Variants in MIPOL1 observed in about 807,000 individuals in gnomAD.
The protein encoded by MIPOL1 is mirror-image polydactyly gene 1 protein.
In MIPOL1, 57 loss-of-function variants were observed where a neutral mutation model predicts 60.9. The observed-to-expected ratio is 0.94, with a 90% CI of 0.76 to 1.17. The LOEUF (loss-of-function observed/expected upper bound fraction) is 1.17, where lower values mean the gene tolerates loss of function less well. MIPOL1 is among the 50% of genes most tolerant of loss of function. The pLI, the probability that MIPOL1 is intolerant of heterozygous loss-of-function variation, is 0.00. For synonymous variants in MIPOL1, 179 were observed against 168.8 expected, an observed-to-expected ratio of 1.06 and a Z score of -0.47; for missense variants, 551 against 511.6, an observed-to-expected ratio of 1.08 and a Z score of -0.74.
intron 10 of MIPOL1, among the ~76,000 whole-genome samples, chr14:37,405,328 T>G (rs2093566418): frequency 6.6e-6 from 1 of 152,160 alleles, no homozygotes; most frequent in Non-Finnish European, 1.5e-5. Context: ...AATTTTTGTT[T>G]AAATTACTGC....
intron 6 of MIPOL1, among the ~76,000 whole-genome samples, chr14:37,283,277 A>G (rs904680181): frequency 2.0e-5 from 3 of 151,982 alleles, no homozygotes; most frequent in African/African-American, 4.8e-5. Context: ...ATGTTGGCCA[A>G]GCTGGTCTCA....
At chr14:37,406,008 G>A (rs889874576) in intron 10 of MIPOL1, among the ~76,000 whole-genome samples, 6 of 150,604 alleles carry the variant, frequency 4.0e-5, no homozygotes, top group Non-Finnish European at 7.4e-5. Context: ...AATGAAAAAT[G>A]TGTTTGTATT....
At chr14:37,272,889 T>G (rs2083398177) in intron 6 of MIPOL1, among the ~76,000 whole-genome samples, 1 of 151,390 alleles carries the variant, frequency 6.6e-6, no homozygotes, top group Non-Finnish European at 1.5e-5. Context: ...GAACTAAACA[T>G]TGGAAACAGC....
chr14:37,470,829 A>G (rs1011243104), intron 11 of MIPOL1, among the ~76,000 whole-genome samples: 1 of 152,174 alleles, frequency 6.6e-6, no homozygotes, highest in African/African-American at 2.4e-5. Context: ...GTGTATTGTC[A>G]TGGAAATCAG....
At chr14:37,293,290 C>T (rs1041464189) in intron 7 of MIPOL1, among the ~76,000 whole-genome samples, 3 of 152,124 alleles carry the variant, frequency 2.0e-5, no homozygotes, top group African/African-American at 7.2e-5. Flanking sequence ...ATCATCTTTG[C>T]ACCCTGCACC....
At chr14:37,445,370 A>T (rs1157911616) in intron 11 of MIPOL1, among the ~76,000 whole-genome samples, 3 of 152,162 alleles carry the variant, frequency 2.0e-5, no homozygotes, top group African/African-American at 7.2e-5. Flanking sequence ...TACAAGGGAC[A>T]TGAAGGACCT....
At chr14:37,431,220 T>C (rs907817909) in intron 11 of MIPOL1, among the ~76,000 whole-genome samples, 8 of 152,176 alleles carry the variant, frequency 5.3e-5, no homozygotes, top group Non-Finnish European at 8.8e-5. Context: ...ATCACTATTA[T>C]TATAGGTCCA....
intron 10 of MIPOL1, among the ~76,000 whole-genome samples, chr14:37,397,884 C>G (rs2093406607): frequency 6.6e-6 from 1 of 152,158 alleles, no homozygotes; most frequent in Non-Finnish European, 1.5e-5. Flanking sequence ...AAGAACTTAC[C>G]CCAGGCTACC....
chr14:37,215,929 A>G (rs765196941), intron 1 of MIPOL1, among the ~76,000 whole-genome samples: 1 of 152,094 alleles, frequency 6.6e-6, no homozygotes, highest in Non-Finnish European at 1.5e-5. Flanking sequence ...TTAGCCAGGC[A>G]TGGTGGCAGG....
Position 37,308,501 on chromosome 14 carries a change from G to C in MIPOL1, c.810G>C (p.Arg270=). 6.3e-7 allele frequency: 1 copy of C among 1,584,090 alleles called. No individual in the cohort carries two copies. Among genetic ancestry groups the C allele is most frequent in the Non-Finnish European group, 8.6e-7 (1 of 1,168,534 alleles). The change falls in exon 9 of 13, where the codon CGG becomes CGC. Residue 270 remains arginine (R), a synonymous_variant. Transcript: ENST00000684589. ...AAATGAGTGCACTAATAGAAGAACG[G>C]GATGCTGCCTTGTCTAAGGTAACTC... ...AEEMSALIEE[R]DAALSKCKRL...
chr14:37,334,899 A>G lies in MIPOL1; in HGVS notation c.828+26380A>G, dbSNP rs570744982. 2.7e-3 allele frequency among the ~76,000 whole-genome samples: 411 copies of G among 152,096 alleles called. 3 individuals carry two copies. The highest frequency in any genetic ancestry group is 9.7e-3 in the African/African-American group (401 of 41,546). On this transcript the variant is annotated intron_variant, in intron 9 of 12. Coordinates refer to ENST00000684589, the MANE Select transcript of MIPOL1 (RefSeq NM_001388067.1). ...TCAAATTATTGTATGGATATATGCC[A>G]TATTTTGTTTATTCATTTATCAGCT...
chr14:37,279,032 A>G (rs976038182), intron 6 of MIPOL1, among the ~76,000 whole-genome samples: 1 of 151,606 alleles, frequency 6.6e-6, no homozygotes, highest in Non-Finnish European at 1.5e-5. Flanking sequence ...TTAAAAATGG[A>G]GATATCCAAA....
intron 1 of MIPOL1, among the ~76,000 whole-genome samples, chr14:37,209,199 T>A (rs552164910): frequency 6.6e-6 from 1 of 152,232 alleles, no homozygotes; most frequent in Non-Finnish European, 1.5e-5. Context: ...TATTTTGATA[T>A]AGCTATGTCA....
intron 11 of MIPOL1, among the ~76,000 whole-genome samples, chr14:37,451,516 G>A (rs1000451247): frequency 1.3e-5 from 2 of 151,988 alleles, no homozygotes; most frequent in African/African-American, 4.8e-5. Flanking sequence ...ATGCCATTTC[G>A]GGTGGGTCTG....
chr14:37,539,166 C>G (rs1388598964), intron 12 of MIPOL1, among the ~76,000 whole-genome samples: 1 of 151,862 alleles, frequency 6.6e-6, no homozygotes, highest in Non-Finnish European at 1.5e-5. Context: ...CGTGCCACTG[C>G]ACTCCAGCCT....
intron 1 of MIPOL1, among the ~76,000 whole-genome samples, chr14:37,236,165 A>G (rs1164956047): frequency 1.3e-5 from 2 of 151,994 alleles, no homozygotes; most frequent in Admixed American, 6.6e-5. Flanking sequence ...AGCTCAGGCA[A>G]TCCACCCACC....
intron 10 of MIPOL1, among the ~76,000 whole-genome samples, chr14:37,403,037 A>G (rs1008802512): frequency 3.3e-5 from 5 of 152,216 alleles, no homozygotes; most frequent in Admixed American, 1.3e-4. Flanking sequence ...TACTTTTCCA[A>G]TATTCCTGCC....
chr14:37,521,667 T>G (rs1046584649), intron 12 of MIPOL1, among the ~76,000 whole-genome samples: 4 of 152,138 alleles, frequency 2.6e-5, no homozygotes, highest in African/African-American at 9.7e-5. Context: ...CTCAGTCAGC[T>G]GATTGAGTCA....
chr14:37,269,169 A>G (rs987313568), intron 5 of MIPOL1, among the ~76,000 whole-genome samples: 5 of 152,038 alleles, frequency 3.3e-5, no homozygotes, highest in Non-Finnish European at 7.4e-5. Context: ...ATTAGTATCC[A>G]TGCCCTATAT....
Sources: gnomAD v4.1 joint callset for allele counts (sites outside exome capture counted in the v4.1 genomes callset) on GRCh38, gnomAD v4.1.1 for gene constraint, MANE v1.5 for transcripts, NCBI Gene and HGNC (gene_info 2026-07-23, HGNC 2026-07-21) for gene names.